COL22A1: variants seen among roughly 807,000 people sequenced by gnomAD.
The protein encoded by COL22A1 is collagen type XXII alpha 1 chain.
Under a neutral mutation model 248.9 loss-of-function variants are expected in COL22A1, and 221 were observed. The ratio of observed to expected loss-of-function variants is 0.89; its 90% CI spans 0.80 to 0.99. The LOEUF is 0.99. Among genes scored for constraint, COL22A1 ranks in the 50% least tolerant of loss-of-function variants. The pLI, the probability that COL22A1 is intolerant of heterozygous loss-of-function variation, is 0.00. For synonymous variants in COL22A1, 891 were observed against 793.4 expected (o/e 1.12, Z -2.07); for missense variants, 2,240 against 2,179.0 (o/e 1.03, Z -0.56).
chr8:138,850,746 C>A (rs960666981), intron 3 of COL22A1, among the ~76,000 whole-genome samples: 8 of 152,210 alleles, frequency 5.3e-5, no homozygotes, highest in African/African-American at 1.9e-4. Flanking sequence ...TCAGACAGAC[C>A]TCACCTCTTC....
chr8:138,753,057 G>C (rs968087035), intron 21 of COL22A1, among the ~76,000 whole-genome samples: 1 of 152,238 alleles, frequency 6.6e-6, no homozygotes, highest in Non-Finnish European at 1.5e-5. Flanking sequence ...ATGAGGATCA[G>C]AGATTAAGCA....
At chr8:138,628,402 C>CA (rs1820424214) in intron 50 of COL22A1, among the ~76,000 whole-genome samples, 3 of 152,160 alleles carry the variant, frequency 2.0e-5, no homozygotes, top group African/African-American at 7.2e-5. Flanking sequence ...GCCTGGCCCA[C>CA]ATGGTGAAAC....
intron 5 of COL22A1, 90 bp downstream of exon 5, chr8:138,832,949 G>C (rs756076725): frequency 3.6e-6 from 3 of 830,282 alleles, no homozygotes; most frequent in Non-Finnish European, 6.1e-6. Flanking sequence ...AGCCCGGCTC[G>C]GTGCCAAGTA....
At chr8:138,841,491 G>C (rs569339741) in intron 4 of COL22A1, among the ~76,000 whole-genome samples, 4 of 152,144 alleles carry the variant, frequency 2.6e-5, no homozygotes, top group Non-Finnish European at 5.9e-5. Context: ...AGAATAAGTT[G>C]GGGATGGACA....
At chr8:138,907,136 C>T (rs1464519699) in intron 1 of COL22A1, among the ~76,000 whole-genome samples, 1 of 152,184 alleles carries the variant, frequency 6.6e-6, no homozygotes, top group East Asian at 1.9e-4. Context: ...CAAATGTGCC[C>T]AACACAGAGG....
intron 37 of COL22A1, 73 bp downstream of exon 37, chr8:138,688,844 T>G: frequency 1.5e-3 from 1,848 of 1,259,724 alleles, no homozygotes; most frequent in Non-Finnish European, 2.0e-3. Flanking sequence ...CCGAGCAGAG[T>G]GAGCTGCTCC....
At chr8:138,899,356 C>T (rs1199508170) in intron 1 of COL22A1, among the ~76,000 whole-genome samples, 1 of 152,098 alleles carries the variant, frequency 6.6e-6, no homozygotes, top group Non-Finnish European at 1.5e-5. Flanking sequence ...TAAAGGGGGA[C>T]ATGATGCAGA....
chr8:138,779,386 G>A (rs566713151), intron 14 of COL22A1, 123 bp downstream of exon 14: 7 of 659,328 alleles, frequency 1.1e-5, no homozygotes, highest in East Asian at 5.2e-5. Flanking sequence ...TGTGCAAGCA[G>A]TTATATGAGA....
chr8:138,882,574 TCCCACACA>T (rs1436807564), intron 2 of COL22A1, among the ~76,000 whole-genome samples: 14 of 17,664 alleles, frequency 7.9e-4, no homozygotes, highest in South Asian at 4.8e-3. Flanking sequence ...TCCCACACAC[TCCCACACA>T]CTGTCAAACT....
chr8:138,724,652 A>C lies in COL22A1; in HGVS notation c.2210T>G (p.Ile737Ser). 6.2e-7 allele frequency: 1 copy of C among 1,614,188 alleles called. No individual in the cohort carries two copies. The highest frequency in any genetic ancestry group is 2.2e-5 in the East Asian group (1 of 44,862). ...AGGTCCAGGCTTTCCCGGGAAGCCG[A>C]TCTCTCCAGGCAAACCCTGAAAGGG... is the stretch of plus-strand genomic sequence containing the variant. ...PGGSPGLPGE[I>S]GFPGKPGPPG... is the part of the protein sequence containing the mutation. Residue 737 changes from isoleucine (I) to serine (S), a missense_variant, in exon 25 of 65, where the codon ATC (isoleucine) becomes AGC (serine). Ile to Ser is a moderately radical substitution (Grantham distance 142). Transcript: ENST00000303045.
chr8:138,626,154 T>G, intron 51 of COL22A1, 36 bp downstream of exon 51: 1 of 1,520,948 alleles, frequency 6.6e-7, no homozygotes, highest in Non-Finnish European at 8.9e-7. Flanking sequence ...GAAACTAGTT[T>G]GTTTTTGTTT....
intron 5 of COL22A1, among the ~76,000 whole-genome samples, chr8:138,828,412 G>A (rs1190948018): frequency 6.6e-6 from 1 of 151,966 alleles, no homozygotes; most frequent in African/African-American, 2.4e-5. Flanking sequence ...GGGGGGTGGG[G>A]GTGAAATTTC....
chr8:138,913,301 G>A (rs1815587319), intron 1 of COL22A1, among the ~76,000 whole-genome samples: 1 of 151,716 alleles, frequency 6.6e-6, no homozygotes, highest in African/African-American at 2.4e-5. Context: ...ACAAGCTCTC[G>A]CATTTGACTC....
At chr8:138,669,019 G>C (rs1054975163) in intron 41 of COL22A1, among the ~76,000 whole-genome samples, 2 of 152,204 alleles carry the variant, frequency 1.3e-5, no homozygotes, top group Non-Finnish European at 2.9e-5. Context: ...TGTGCTCAGA[G>C]AGCAGCAGGG....
intron 47 of COL22A1, among the ~76,000 whole-genome samples, chr8:138,642,192 G>C (rs760530321): frequency 1.3e-5 from 2 of 152,132 alleles, no homozygotes; most frequent in Non-Finnish European, 2.9e-5. Flanking sequence ...AGTATGACAA[G>C]ACAATAACTA....
At chr8:138,676,002 A>G (rs1258419164) in intron 41 of COL22A1, among the ~76,000 whole-genome samples, 1 of 152,200 alleles carries the variant, frequency 6.6e-6, no homozygotes, top group Non-Finnish European at 1.5e-5. Context: ...GAACGGGAAC[A>G]CACTTCATTG....
At chr8:138,829,081 CTTTG>C (rs1819820590) in intron 5 of COL22A1, among the ~76,000 whole-genome samples, 1 of 152,226 alleles carries the variant, frequency 6.6e-6, no homozygotes, top group Non-Finnish European at 1.5e-5. Flanking sequence ...TCCGCAGGGA[CTTTG>C]TTTGGCTGTA....
At chr8:138,813,531 C>T (rs1017595630) in intron 7 of COL22A1, among the ~76,000 whole-genome samples, 3 of 152,188 alleles carry the variant, frequency 2.0e-5, no homozygotes, top group Non-Finnish European at 4.4e-5. Context: ...ATAAATTACT[C>T]AGTCTTGAGT....
At chr8:138,614,105 A>G (rs1819122057) in intron 55 of COL22A1, among the ~76,000 whole-genome samples, 185 bp from the exon 56 acceptor site, 1 of 152,240 alleles carries the variant, frequency 6.6e-6, no homozygotes, top group Admixed American at 6.5e-5. Context: ...GTGGGTGAGT[A>G]AATGCACGCA....
Sources: allele counts gnomAD v4.1 joint callset (sites outside exome capture counted in the v4.1 genomes callset), GRCh38; gene constraint gnomAD v4.1.1; transcripts MANE v1.5; gene names NCBI Gene and HGNC (gene_info 2026-07-23, HGNC 2026-07-21).